TMEM132D: variants seen among roughly 807,000 people sequenced by gnomAD.
TMEM132D encodes transmembrane protein 132D.
Under a neutral mutation model 62.3 loss-of-function variants are expected in TMEM132D, and 21 were observed. That is an observed-to-expected ratio of 0.34 (90% CI 0.24 to 0.49). The LOEUF (loss-of-function observed/expected upper bound fraction) is 0.49, where lower values mean the gene tolerates loss of function less well. Ranked by LOEUF, TMEM132D falls within the 20% of genes least tolerant of loss-of-function variation. The pLI is 0.99. For missense variants in TMEM132D, 1,346 were observed against 1,402.8 expected, an observed-to-expected ratio of 0.96 and a Z score of 0.65; for synonymous variants, 621 against 575.6, an observed-to-expected ratio of 1.08 and a Z score of -1.13.
In TMEM132D at chr12:129,545,958, G is replaced by A. The variant is rs146735906; in HGVS notation, c.969-14753C>T. 1.5e-4 allele frequency among the ~76,000 whole-genome samples: 23 copies of A among 152,274 alleles called. No individual in the cohort carries two copies. The East Asian group carries it at 4.4e-3, about 29-fold the overall frequency. ...GTCTACATGGGAATCATAGCAGAAGGAGGGACATGTCCAGGTGCCTCTTGG... is the reference window on the plus strand; with the variant it reads ...GTCTACATGGGAATCATAGCAGAAGAAGGGACATGTCCAGGTGCCTCTTGG... On this transcript the variant is annotated intron_variant, in intron 2 of 8. Transcript: ENST00000422113.
chr12:129,698,887 T>C (rs754777313), intron 2 of TMEM132D, among the ~76,000 whole-genome samples: 13 of 151,946 alleles, frequency 8.6e-5, no homozygotes, highest in South Asian at 4.2e-4. Flanking sequence ...CTGGTCATCA[T>C]TGGATGAAGT....
intron 2 of TMEM132D, among the ~76,000 whole-genome samples, chr12:129,604,565 C>T (rs1195638082): frequency 2.0e-5 from 3 of 152,136 alleles, no homozygotes; most frequent in Admixed American, 6.6e-5. Context: ...CAGAACACTA[C>T]AGATGTCATC....
At chr12:129,671,221 C>T (rs967736588) in intron 2 of TMEM132D, among the ~76,000 whole-genome samples, 1 of 152,092 alleles carries the variant, frequency 6.6e-6, no homozygotes, top group African/African-American at 2.4e-5. Context: ...CACTTTTCAC[C>T]TTCAGGAACT....
chr12:129,516,576 A>AC (rs1369939456), intron 3 of TMEM132D, among the ~76,000 whole-genome samples: 1 of 152,180 alleles, frequency 6.6e-6, no homozygotes, highest in Non-Finnish European at 1.5e-5. Context: ...CCATGAGAAC[A>AC]GTATGGAGGA....
intron 3 of TMEM132D, among the ~76,000 whole-genome samples, chr12:129,513,893 A>G (rs1305253748): frequency 2.0e-5 from 3 of 148,988 alleles, no homozygotes; most frequent in Admixed American, 6.7e-5. Context: ...GCTGGAGTGC[A>G]GTGGCACGAT....
At chr12:129,421,208 C>A (rs34660197) in intron 3 of TMEM132D, among the ~76,000 whole-genome samples, 53,625 of 152,030 alleles carry the variant, frequency 0.35, 10,903 homozygotes, top group Non-Finnish European at 0.47. Context: ...AATGATCCGC[C>A]TGCCTCAGCC....
intron 5 of TMEM132D, among the ~76,000 whole-genome samples, chr12:129,185,431 T>A (rs79089441): frequency 0.032 from 4,932 of 152,292 alleles, 244 homozygotes; most frequent in African/African-American, 0.11. Flanking sequence ...TCCCGACTAA[T>A]GTGTCCACGC....
chr12:129,121,920 A>G (rs1428844620), intron 5 of TMEM132D, among the ~76,000 whole-genome samples: 2 of 152,286 alleles, frequency 1.3e-5, no homozygotes, highest in East Asian at 3.9e-4. Context: ...CTCCAGAGTG[A>G]GCCTTTGGCT....
chr12:129,507,127 C>A (rs1340296499), intron 3 of TMEM132D, among the ~76,000 whole-genome samples: 1 of 152,118 alleles, frequency 6.6e-6, no homozygotes, highest in African/African-American at 2.4e-5. Context: ...CACAAATGAT[C>A]AGGGAAATGC....
intron 3 of TMEM132D, among the ~76,000 whole-genome samples, chr12:129,480,853 A>G (rs978724602): frequency 3.3e-5 from 5 of 152,214 alleles, no homozygotes; most frequent in African/African-American, 1.2e-4. Flanking sequence ...GTGTCCCAGA[A>G]CAATTCTCAC....
At position 129,209,415 on chromosome 12, in the gene TMEM132D, T is replaced by C. The variant is rs549510424; in HGVS notation, c.1443+105A>G. 314 of 1,410,044 alleles carry C rather than the reference T, an allele frequency of 2.2e-4. No individual in the cohort carries two copies. The African/African-American group carries it at 3.7e-3, about 17-fold the overall frequency. The allele number at this position is 1,410,044 out of a possible 1,614,324, so 87.3% of individuals were successfully genotyped here. A position where few individuals can be genotyped will look rare whatever the true frequency, so the allele number is the denominator to read the frequency against. ...CCAGAATGGGATGGGAGGGATCCTG[T>C]GGGACCCAGAGGTCCCAGAGGTCCC... On this transcript the variant is annotated intron_variant, in intron 5 of 8. Transcript: ENST00000422113.
intron 3 of TMEM132D, among the ~76,000 whole-genome samples, chr12:129,513,690 T>A (rs1271354356): frequency 2.0e-5 from 3 of 151,374 alleles, no homozygotes; most frequent in Non-Finnish European, 4.4e-5. Flanking sequence ...TTTCACCGTG[T>A]CAGCCAGGAT....
chr12:129,634,390 C>G (rs970756716), intron 2 of TMEM132D, among the ~76,000 whole-genome samples: 1 of 150,040 alleles, frequency 6.7e-6, no homozygotes, highest in African/African-American at 2.5e-5. Flanking sequence ...AGGAGGATTG[C>G]TTGAACCCAG....
At chr12:129,720,548 G>A (rs527846999) in intron 1 of TMEM132D, among the ~76,000 whole-genome samples, 2 of 152,232 alleles carry the variant, frequency 1.3e-5, no homozygotes, top group South Asian at 2.1e-4. Flanking sequence ...GTTAAGATAC[G>A]GAGGTTACCT....
chr12:129,410,008 C>T (rs1172236946), intron 3 of TMEM132D, among the ~76,000 whole-genome samples: 3 of 152,176 alleles, frequency 2.0e-5, no homozygotes, highest in Non-Finnish European at 4.4e-5. Flanking sequence ...CATAGACCCT[C>T]CTCTAAAGAG....
At chr12:129,700,990 GT>G (rs1231330762) in intron 1 of TMEM132D, among the ~76,000 whole-genome samples, 2 of 152,156 alleles carry the variant, frequency 1.3e-5, no homozygotes, top group Non-Finnish European at 2.9e-5. Flanking sequence ...TGATAATGGT[GT>G]TTTTATGGGG....
chr12:129,567,077 T>A (rs1220291974), intron 2 of TMEM132D, among the ~76,000 whole-genome samples: 1 of 152,246 alleles, frequency 6.6e-6, no homozygotes, highest in East Asian at 1.9e-4. Context: ...TCTCAAGACG[T>A]CCTGGGGCTA....
At chr12:129,424,672 C>T (rs1341692030) in intron 3 of TMEM132D, among the ~76,000 whole-genome samples, 1 of 121,546 alleles carries the variant, frequency 8.2e-6, no homozygotes, top group Admixed American at 1.0e-4. Context: ...CACGCCACTA[C>T]ACTCCAGCCT....
chr12:129,845,672 T>C (rs1366586040), intron 1 of TMEM132D, among the ~76,000 whole-genome samples: 3 of 152,156 alleles, frequency 2.0e-5, no homozygotes, highest in Non-Finnish European at 4.4e-5. Context: ...ATAAACAGTA[T>C]CTAGTAAAAT....
Sources: gnomAD v4.1 joint callset for allele counts (sites outside exome capture counted in the v4.1 genomes callset) on GRCh38, gnomAD v4.1.1 for gene constraint, MANE v1.5 for transcripts, NCBI Gene and HGNC (gene_info 2026-07-23, HGNC 2026-07-21) for gene names.